The following ADCY9 variants were observed in gnomAD, a reference collection of about 807,000 sequenced individuals.
ADCY9 encodes adenylate cyclase 9.
In ADCY9, 50 loss-of-function variants were observed where a neutral mutation model predicts 101.5. The observed-to-expected ratio is 0.49, with a 90% CI of 0.39 to 0.62. ADCY9 has a LOEUF of 0.62. ADCY9 is among the 20% of genes least tolerant of loss of function. The pLI, the probability that ADCY9 is intolerant of heterozygous loss-of-function variation, is 0.00. For missense variants in ADCY9, 1,662 were observed against 1,800.4 expected, an observed-to-expected ratio of 0.92 and a Z score of 1.39; for synonymous variants, 905 against 769.3, an observed-to-expected ratio of 1.18 and a Z score of -2.92.
intron 7 of ADCY9, among the ~76,000 whole-genome samples, chr16:3,980,611 G>C (rs1217466733): frequency 2.0e-5 from 3 of 152,178 alleles, no homozygotes; most frequent in Non-Finnish European, 4.4e-5. Context: ...TCTTGGCTGC[G>C]TGGTGTGGCC....
intron 7 of ADCY9, among the ~76,000 whole-genome samples, chr16:3,981,004 G>A (rs1455940362): frequency 6.6e-6 from 1 of 152,230 alleles, no homozygotes; most frequent in African/African-American, 2.4e-5. Context: ...TCCTGTACAG[G>A]AAAGGGATGG....
At chr16:4,111,076 T>C (rs1452404418) in intron 2 of ADCY9, among the ~76,000 whole-genome samples, 1 of 152,144 alleles carries the variant, frequency 6.6e-6, no homozygotes, top group Non-Finnish European at 1.5e-5. Flanking sequence ...TGTGCAGAAA[T>C]CATGAAACTA....
chr16:3,966,175 T>C lies in ADCY9; in HGVS notation c.3662A>G (p.Tyr1221Cys), dbSNP rs971860689. The C allele has an allele frequency of 3.7e-6, 6 of 1,614,086 alleles. No homozygotes were observed. In the African/African-American group the frequency reaches 4.0e-5, roughly 11 times the overall value. ...CACGGTCCCTCTGTAGTCGAAGTCA[T>C]AGCCCATCTTGCTCAAGACGCGGTA... is the stretch of plus-strand genomic sequence containing the variant. ...ESYRVLSKMG[Y>C]DFDYRGTVNV... The change falls in exon 11 of 11, where the codon TAT becomes TGT. Residue 1221 changes from tyrosine (Y) to cysteine (C), a missense_variant. Physicochemically the swap from Tyr to Cys is radical, Grantham distance 194. This residue lies in a region of ADCY9 where 220 missense variants were observed against 312.9 expected (regional missense o/e 0.70). Coordinates refer to ENST00000294016, the MANE Select transcript of ADCY9 (RefSeq NM_001116.4).
At chr16:4,055,135 T>C (rs1485636212) in intron 2 of ADCY9, among the ~76,000 whole-genome samples, 1 of 152,156 alleles carries the variant, frequency 6.6e-6, no homozygotes, top group Non-Finnish European at 1.5e-5. Context: ...GCCCCAGCAC[T>C]GTGGTAGCCA....
intron 6 of ADCY9, among the ~76,000 whole-genome samples, chr16:3,988,183 A>G (rs188631591): frequency 1.2e-4 from 19 of 152,172 alleles, no homozygotes; most frequent in Admixed American, 3.9e-4. Flanking sequence ...GGGAAGTACA[A>G]TCCAGTCTGC....
rs1263678822 is a variant in ADCY9 at position 4,114,946 on chromosome 16, T to C, written c.497A>G (p.Lys166Arg). Residue 166 changes from lysine to arginine, a missense_variant, in exon 2 of 11, where the codon AAG (lysine) becomes AGG (arginine). By Grantham distance (26) the Lys-to-Arg change is conservative. Coordinates refer to ENST00000294016, the MANE Select transcript of ADCY9 (RefSeq NM_001116.4). This position sits in a 1 kb window ranked among gnomAD's most constrained non-coding sequence, Gnocchi z 4.3. ...CVGFFLFTFT[K>R]LYARHYAWTS... ...CCACGCGTAATGCCGGGCGTACAGC[T>C]TGGTGAAGGTAAACAGAAAGAAGCC... 1 of 1,613,896 alleles carries C rather than the reference T, an allele frequency of 6.2e-7. No homozygotes were observed. Among genetic ancestry groups the C allele is most frequent in the South Asian group, 1.1e-5 (1 of 91,084 alleles).
At chr16:4,094,545 T>C (rs1482230276) in intron 2 of ADCY9, among the ~76,000 whole-genome samples, 1 of 151,920 alleles carries the variant, frequency 6.6e-6, no homozygotes, top group Non-Finnish European at 1.5e-5. Flanking sequence ...GCGCTGTGGC[T>C]CACGCCCGTA....
chr16:4,050,398 G>C (rs955316766), intron 2 of ADCY9, among the ~76,000 whole-genome samples: 4 of 152,154 alleles, frequency 2.6e-5, no homozygotes, highest in Non-Finnish European at 5.9e-5. Context: ...TGTACGTGTA[G>C]GGAAGTACAT....
At chr16:3,988,249 G>C (rs554895183) in intron 6 of ADCY9, among the ~76,000 whole-genome samples, 14 of 152,262 alleles carry the variant, frequency 9.2e-5, no homozygotes, top group African/African-American at 3.1e-4. Context: ...GAGAAGTCAA[G>C]TACAAGGGGT....
chr16:4,085,886 T>C (rs1009301361), intron 2 of ADCY9, among the ~76,000 whole-genome samples: 5 of 151,836 alleles, frequency 3.3e-5, no homozygotes, highest in African/African-American at 9.7e-5. Context: ...CACCCATGCG[T>C]GTCCAGGGAT....
At chr16:4,067,975 T>C (rs1395422908) in intron 2 of ADCY9, among the ~76,000 whole-genome samples, 1 of 152,190 alleles carries the variant, frequency 6.6e-6, no homozygotes, top group African/African-American at 2.4e-5. Context: ...GGAAAAACCG[T>C]GGCAATAATT....
intron 2 of ADCY9, among the ~76,000 whole-genome samples, chr16:4,041,985 G>A (rs1466566294): frequency 7.1e-6 from 1 of 141,240 alleles, no homozygotes; most frequent in African/African-American, 2.7e-5. Flanking sequence ...GTGTACTGGT[G>A]TGATTTCGAC....
At chr16:4,036,302 TTTC>T (rs1257693349) in intron 2 of ADCY9, among the ~76,000 whole-genome samples, 1 of 152,030 alleles carries the variant, frequency 6.6e-6, no homozygotes, top group Non-Finnish European at 1.5e-5. Context: ...CAGAATGCTT[TTTC>T]TTTGAAAGTC....
chr16:4,060,578 T>C (rs2056768596), intron 2 of ADCY9, among the ~76,000 whole-genome samples: 1 of 152,140 alleles, frequency 6.6e-6, no homozygotes, highest in Admixed American at 6.5e-5. Flanking sequence ...CACTAAGCTA[T>C]GCTGACCTGG....
Position 4,108,844 on chromosome 16 carries a change from T to C in ADCY9, c.1693+4906A>G, listed in dbSNP as rs2057096168. ...CCTCAGCATCCCGAGTAGCTGGGATTACAGGTACCTGCCACCACACCTGGT... is the reference window on the plus strand; with the variant it reads ...CCTCAGCATCCCGAGTAGCTGGGATCACAGGTACCTGCCACCACACCTGGT... On this transcript the variant is annotated intron_variant, in intron 2 of 10. Transcript: ENST00000294016. Among the ~76,000 whole-genome samples, 4 of 151,940 alleles carry C rather than the reference T, an allele frequency of 2.6e-5. 1 individual carries two copies. In the South Asian group the frequency reaches 8.3e-4, roughly 32 times the overall value.
chr16:4,054,899 C>T (rs1268585135), intron 2 of ADCY9, among the ~76,000 whole-genome samples: 1 of 152,146 alleles, frequency 6.6e-6, no homozygotes, highest in Non-Finnish European at 1.5e-5. Context: ...TCAAGTTATA[C>T]AAAAGAATCC....
intron 8 of ADCY9, 55 bp from the exon 9 acceptor site, chr16:3,977,685 T>C: frequency 6.4e-7 from 1 of 1,566,750 alleles, no homozygotes. Flanking sequence ...CCACCCCTGC[T>C]ATACCCGGCC....
At chr16:4,002,493 C>T (rs1567432726) in intron 3 of ADCY9, among the ~76,000 whole-genome samples, 3 of 152,132 alleles carry the variant, frequency 2.0e-5, no homozygotes, top group Non-Finnish European at 4.4e-5. Flanking sequence ...GAATCATCCC[C>T]GTATGGGTAA....
chr16:4,069,922 C>A (rs1431763128), intron 2 of ADCY9, among the ~76,000 whole-genome samples: 2 of 152,046 alleles, frequency 1.3e-5, no homozygotes, highest in African/African-American at 4.8e-5. Context: ...ATGGTGAAAC[C>A]CTGTCTCTAC....
Sources: gnomAD v4.1 joint callset for allele counts (sites outside exome capture counted in the v4.1 genomes callset) on GRCh38, gnomAD v4.1.1 for gene constraint, gnomAD v4.1.1 regional missense constraint, Gnocchi (gnomAD v3.1) non-coding constraint, MANE v1.5 for transcripts, NCBI Gene and HGNC (gene_info 2026-07-23, HGNC 2026-07-21) for gene names.